Variants in EPB41 observed in about 807,000 individuals in gnomAD.
EPB41 encodes the protein erythrocyte membrane protein band 4.1, also known as protein 4.1.
EPB41 carries 65 observed loss-of-function variants against 108.0 expected under a neutral mutation model. The ratio of observed to expected loss-of-function variants is 0.60; its 90% CI spans 0.49 to 0.74. The LOEUF (loss-of-function observed/expected upper bound fraction) is 0.74. EPB41 is among the 30% of genes least tolerant of loss of function. The probability of loss-of-function intolerance (pLI) is 0.00; values close to 1 mark genes in which losing one functional copy is unlikely to be tolerated. For missense variants in EPB41, 875 were observed against 1,037.0 expected (o/e 0.84, Z 2.15); for synonymous variants, 336 against 358.9 (o/e 0.94, Z 0.72).
Position 29,030,465 on chromosome 1 carries a change from G to T in EPB41, c.1190G>T (p.Gly397Val). The T allele has an allele frequency of 6.2e-7, 1 of 1,613,862 alleles. No individual in the cohort carries two copies. The highest frequency in any genetic ancestry group is 8.5e-7 in the Non-Finnish European group (1 of 1,179,796). ...AATGCCAAAAAGTTGTCTATGTATG[G>T]AGTTGATCTTCATAAAGCAAAGGTA... ...LENAKKLSMY[G>V]VDLHKAKDLE... The change falls in exon 8 of 21, where the codon GGA becomes GTA. Residue 397 changes from glycine to valine, a missense_variant. Transcript: ENST00000343067.
Position 28,998,470 on chromosome 1 carries a change from G to C in EPB41, c.786+1151G>C, listed in dbSNP as rs78975292. Among the ~76,000 whole-genome samples, 752 of 152,274 alleles carry C rather than the reference G, an allele frequency of 4.9e-3. 3 individuals are homozygous for C. The highest frequency in any genetic ancestry group is 8.0e-3 in the Non-Finnish European group (543 of 68,014). On this transcript the variant is annotated intron_variant, in intron 4 of 20. Coordinates refer to ENST00000343067, the MANE Select transcript of EPB41 (RefSeq NM_001376013.1). ...TCATCCTTTCTCCAAGATGATTTCA[G>C]TTTATTAAGAAAAGTTGAAGGGCAG...
chr1:29,082,443 G>T (rs926779038), intron 16 of EPB41, among the ~76,000 whole-genome samples: 7 of 152,124 alleles, frequency 4.6e-5, no homozygotes, highest in African/African-American at 1.7e-4. Context: ...CTGTTTTCTA[G>T]ATATCAAATT....
intron 9 of EPB41, among the ~76,000 whole-genome samples, chr1:29,035,579 G>GAAA (rs796270560): frequency 1.5e-5 from 2 of 132,770 alleles, no homozygotes; most frequent in Admixed American, 7.7e-5. Context: ...GTGTTTTCTG[G>GAAA]AAAAAAAAAA....
chr1:28,996,278 A>G (rs2096174425), intron 3 of EPB41, among the ~76,000 whole-genome samples: 2 of 152,160 alleles, frequency 1.3e-5, no homozygotes, highest in East Asian at 1.9e-4. Context: ...AAATTTGGGA[A>G]TGGTTTGACT....
At chr1:29,052,465 G>C (rs1644689723) in intron 11 of EPB41, among the ~76,000 whole-genome samples, 1 of 152,184 alleles carries the variant, frequency 6.6e-6, no homozygotes, top group South Asian at 2.1e-4. Context: ...TAGGTTTGAG[G>C]ACTGACAGTC....
chr1:28,933,575 A>C (rs372909556), intron 1 of EPB41, among the ~76,000 whole-genome samples: 52 of 152,334 alleles, frequency 3.4e-4, no homozygotes, highest in African/African-American at 1.2e-3. Context: ...AATCTAGGCT[A>C]TCACATTGCA....
intron 4 of EPB41, 35 bp from the exon 5 acceptor site, chr1:29,011,830 G>T: frequency 6.2e-7 from 1 of 1,613,178 alleles, no homozygotes; most frequent in Non-Finnish European, 8.5e-7. Context: ...ATGTGTTTTG[G>T]AGCTCTGTGT....
rs553812390 is a variant in EPB41 at position 28,925,780 on chromosome 1, A to G, written c.-8+11012A>G. Reference sequence around the variant, plus strand: ...AGGTCATAGGTAGGAGAAGGAGCAAATCATTGTAGTGCCTTATTGCCTGTG... The same window carrying G: ...AGGTCATAGGTAGGAGAAGGAGCAAGTCATTGTAGTGCCTTATTGCCTGTG... On this transcript the variant is annotated intron_variant, in intron 1 of 20. Transcript: ENST00000343067. Among the ~76,000 whole-genome samples, 11 of 152,318 alleles carry G rather than the reference A, an allele frequency of 7.2e-5. No homozygotes were observed. In the South Asian group the frequency reaches 2.1e-3, roughly 29 times the overall value.
intron 4 of EPB41, among the ~76,000 whole-genome samples, 161 bp from the exon 5 acceptor site, chr1:29,011,704 C>T (rs1168384422): frequency 6.6e-6 from 1 of 152,116 alleles, no homozygotes; most frequent in East Asian, 1.9e-4. Context: ...TTTTTGTCTG[C>T]TCAAAATCAC....
At chr1:28,914,911 C>T (rs2092485061) in intron 1 of EPB41, 143 bp downstream of exon 1, 1 of 152,278 alleles carries the variant, frequency 6.6e-6, no homozygotes, top group Non-Finnish European at 1.5e-5. Flanking sequence ...GGCGCGGGCT[C>T]TCCCGCGGAG....
chr1:28,887,119 C>T (rs924476719), upstream of EPB41: 12 of 793,504 alleles, frequency 1.5e-5, no homozygotes, highest in East Asian at 7.7e-4. This position sits in a 1 kb window ranked among gnomAD's most constrained non-coding sequence, Gnocchi z 4.9. Context: ...GGTGGAGGCC[C>T]CGGCGGGGCA....
intron 1 of EPB41, among the ~76,000 whole-genome samples, chr1:28,968,392 T>C (rs980243206): frequency 1.3e-5 from 2 of 152,110 alleles, no homozygotes; most frequent in Non-Finnish European, 2.9e-5. Flanking sequence ...ACTCTGTTTT[T>C]GTACATATGT....
At chr1:29,098,518 G>A (rs1295222083) in intron 17 of EPB41, among the ~76,000 whole-genome samples, 1 of 152,046 alleles carries the variant, frequency 6.6e-6, no homozygotes, top group Non-Finnish European at 1.5e-5. Context: ...AAGCAAAATT[G>A]TCTTAGATCT....
chr1:28,918,653 T>G (rs964543219), intron 1 of EPB41, among the ~76,000 whole-genome samples: 2 of 152,208 alleles, frequency 1.3e-5, no homozygotes, highest in Non-Finnish European at 2.9e-5. Flanking sequence ...GGTTTATGCT[T>G]GTAATCCCAG....
chr1:29,112,962 A>G (rs1187792526), intron 19 of EPB41, among the ~76,000 whole-genome samples: 1 of 152,196 alleles, frequency 6.6e-6, no homozygotes, highest in East Asian at 1.9e-4. Context: ...GAGCGGGAGC[A>G]TAGTATGGTG....
intron 1 of EPB41, among the ~76,000 whole-genome samples, chr1:28,921,312 A>T (rs1452118043): frequency 6.6e-6 from 1 of 152,208 alleles, no homozygotes; most frequent in Non-Finnish European, 1.5e-5. Context: ...CTTAGATGCC[A>T]AGCACATATT....
At chr1:29,045,807 TAAAA>T (rs201526339) in intron 11 of EPB41, among the ~76,000 whole-genome samples, 2 of 103,780 alleles carry the variant, frequency 1.9e-5, no homozygotes, top group African/African-American at 7.0e-5. Flanking sequence ...ACCCTGTCTC[TAAAA>T]AAAAAAAAAA....
chr1:28,890,497 G>A (rs1206840616), intron 1 of EPB41, among the ~76,000 whole-genome samples: 1 of 152,096 alleles, frequency 6.6e-6, no homozygotes. Flanking sequence ...TATAGCCTCG[G>A]GACCTAGTTT....
chr1:29,056,093 G>T (rs752488296), intron 12 of EPB41, among the ~76,000 whole-genome samples: 7 of 151,724 alleles, frequency 4.6e-5, no homozygotes, highest in Non-Finnish European at 8.8e-5. Flanking sequence ...AATTAGCCAG[G>T]CGTGGTGGCA....
Sources: allele counts gnomAD v4.1 joint callset (sites outside exome capture counted in the v4.1 genomes callset), GRCh38; gene constraint gnomAD v4.1.1; non-coding constraint Gnocchi (gnomAD v3.1); transcripts MANE v1.5; gene names NCBI Gene and HGNC (gene_info 2026-07-23, HGNC 2026-07-21).